The following POLE variants were observed in gnomAD, a reference collection of about 807,000 sequenced individuals.
POLE encodes DNA polymerase epsilon, catalytic subunit.
In POLE, 188 loss-of-function variants were observed where a neutral mutation model predicts 279.2. The ratio of observed to expected loss-of-function variants is 0.67; its 90% CI spans 0.60 to 0.76. POLE has a LOEUF of 0.76. POLE is among the 30% of genes least tolerant of loss of function. POLE has a pLI of 0.00. For missense variants in POLE, 2,703 were observed against 3,016.7 expected, an observed-to-expected ratio of 0.90 and a Z score of 2.44; for synonymous variants, 1,214 against 1,172.5, an observed-to-expected ratio of 1.04 and a Z score of -0.72.
chr12:132,630,338 T>G (rs763785788), intron 45 of POLE, among the ~76,000 whole-genome samples: 2 of 152,180 alleles, frequency 1.3e-5, no homozygotes, highest in Non-Finnish European at 2.9e-5. Context: ...AGATATCCCA[T>G]GCAGAAATAT....
chr12:132,665,186 C>T, intron 21 of POLE, 116 bp downstream of exon 21: 1 of 1,127,716 alleles, frequency 8.9e-7, no homozygotes, highest in Non-Finnish European at 1.3e-6. Flanking sequence ...CTCCCTCCAA[C>T]ATTCCTTGAA....
In POLE at chr12:132,675,450, CCTT is replaced by C. The variant is rs753999122; in HGVS notation, c.1171_1173del (p.Lys391del). ...GGCGCCTTGTACTCCCCCTGGCTGTCCTTCTGGAAGCCTATCTCCTGCTGCATG... is the reference window on the plus strand; with the variant it reads ...GGCGCCTTGTACTCCCCCTGGCTGTCCTGGAAGCCTATCTCCTGCTGCATG... On this transcript the variant is annotated inframe_deletion, in exon 12 of 49. Transcript: ENST00000320574. The surrounding 1 kb of genome is among the most constrained non-coding windows in gnomAD (Gnocchi z 4.3). 105 of 1,614,084 alleles carry C rather than the reference CCTT, an allele frequency of 6.5e-5. No homozygotes were observed. The highest frequency in any genetic ancestry group is 8.7e-5 in the Non-Finnish European group (103 of 1,180,036).
chr12:132,649,503 C>T lies in POLE; in HGVS notation c.3808G>A (p.Val1270Ile), dbSNP rs199574832. Residue 1270 changes from valine to isoleucine, a missense_variant, in exon 31 of 49, where the codon GTC becomes ATC. By Grantham distance (29) the Val-to-Ile change is conservative. Around this residue, in one of 5 missense-constraint regions of POLE, gnomAD observed 1,551 missense variants for 1,686.1 expected, o/e 0.92. Coordinates refer to ENST00000320574, the MANE Select transcript of POLE (RefSeq NM_006231.4). ...TTCTTCTTGTGGAACCGGAGCCAGA[C>T]AAGCCATTCCTCCTGGGATGGATGG... ...ALGTSQEEWL[V>I]WLRFHKKKWQ... 7.5e-6 allele frequency: 12 copies of T among 1,606,680 alleles called. No homozygotes were observed. Among genetic ancestry groups the T allele is most frequent in the Non-Finnish European group, 8.5e-6 (10 of 1,178,622 alleles).
At position 132,661,580 on chromosome 12, in the gene POLE, G is replaced by C. The variant is rs1593777350; in HGVS notation, c.2811C>G (p.Tyr937Ter). 1.9e-6 allele frequency: 3 copies of C among 1,614,182 alleles called. No homozygotes were observed. The highest frequency in any genetic ancestry group is 2.5e-6 in the Non-Finnish European group (3 of 1,180,028). ...NSIFFEVDGP[Y>*]LAMILPASKE... ...TGGAGGCTGGAAGAATCATGGCAAG[G>C]TAGGGCCCATCAACCTCAAAAAAGA... The change falls in exon 24 of 49, where the codon TAC becomes TAG. Residue 937 changes from tyrosine (Y) to a stop codon, truncating the protein, a stop_gained. Transcript: ENST00000320574. LOFTEE classifies it high-confidence loss of function. The surrounding 1 kb of genome is among the most constrained non-coding windows in gnomAD (Gnocchi z 4.1).
At chr12:132,683,002 C>T (rs2043200494) in intron 1 of POLE, among the ~76,000 whole-genome samples, 1 of 151,652 alleles carries the variant, frequency 6.6e-6, no homozygotes, top group Admixed American at 6.6e-5. Flanking sequence ...AAAGGAAGAC[C>T]CTTCCTTTGT....
chr12:132,636,018 A>G lies in POLE; in HGVS notation c.5685T>C (p.His1895=), dbSNP rs745896415. 3.1e-6 allele frequency: 5 copies of G among 1,613,340 alleles called. No individual in the cohort carries two copies. The highest frequency in any genetic ancestry group is 4.2e-6 in the Non-Finnish European group (5 of 1,179,704). The change falls in exon 42 of 49, where the codon CAT becomes CAC. Residue 1895 remains histidine (H), a synonymous_variant. Coordinates refer to ENST00000320574, the MANE Select transcript of POLE (RefSeq NM_006231.4). The part of the protein sequence containing the change: ...AYVEYITSSI[H]SKETFHSLTI... ...TCAGAGAATGGAAGGTCTCCTTTGAATGGATGCTGCAGAGGAAGCATTGAA... is the reference window on the plus strand; with the variant it reads ...TCAGAGAATGGAAGGTCTCCTTTGAGTGGATGCTGCAGAGGAAGCATTGAA...
rs373875413 is a variant in POLE at position 132,668,611 on chromosome 12, C to A, written c.2026+24G>T. 1.9e-6 allele frequency: 3 copies of A among 1,598,498 alleles called. No homozygotes were observed. In the African/African-American group the frequency reaches 4.0e-5, roughly 21 times the overall value. On this transcript the variant is annotated intron_variant, in intron 18 of 48. Coordinates refer to ENST00000320574, the MANE Select transcript of POLE (RefSeq NM_006231.4). The surrounding 1 kb of genome is among the most constrained non-coding windows in gnomAD (Gnocchi z 4.0). ...TCACCCACCCGTTTCCCACCGAGTG[C>A]CCACCCAGGCGGCCGACACTCACTG...
chr12:132,637,926 C>A, intron 41 of POLE, 88 bp downstream of exon 41: 1 of 1,485,768 alleles, frequency 6.7e-7, no homozygotes, highest in Non-Finnish European at 9.2e-7. Context: ...TCCCAGCCCA[C>A]CCAGGAGGAG....
At chr12:132,656,286 G>A (rs546754645) in intron 29 of POLE, among the ~76,000 whole-genome samples, 3 of 152,124 alleles carry the variant, frequency 2.0e-5, no homozygotes, top group Non-Finnish European at 4.4e-5. Flanking sequence ...GTCTTGGGGG[G>A]CAGGGGAAAG....
chr12:132,674,153 A>G (rs1196599846), intron 12 of POLE, among the ~76,000 whole-genome samples: 1 of 151,494 alleles, frequency 6.6e-6, no homozygotes, highest in East Asian at 2.0e-4. Flanking sequence ...AGATGCCAAG[A>G]AGAATAAAAA....
At chr12:132,655,599 G>A (rs73483346) in intron 29 of POLE, among the ~76,000 whole-genome samples, 10,849 of 152,162 alleles carry the variant, frequency 0.071, 552 homozygotes, top group Admixed American at 0.14. Flanking sequence ...CTGATTGGAG[G>A]TAAATTCTTC....
At position 132,668,760 on chromosome 12, in the gene POLE, T is replaced by C. The variant is rs201098665; in HGVS notation, c.1924-23A>G. ...GGGCTGGGAGGGGTGAGAAAGCACT[T>C]AGGGCTGGGCAGAGAGAGCTCCGAC... On this transcript the variant is annotated intron_variant, in intron 17 of 48. Transcript: ENST00000320574. This position sits in a 1 kb window ranked among gnomAD's most constrained non-coding sequence, Gnocchi z 4.0. 1.2e-3 allele frequency: 1,915 copies of C among 1,613,762 alleles called. 1 individual carries two copies. Among genetic ancestry groups the C allele is most frequent in the Admixed American group, 2.0e-3 (121 of 60,014 alleles).
intron 32 of POLE, among the ~76,000 whole-genome samples, chr12:132,646,549 G>A (rs1039546076): frequency 6.6e-6 from 1 of 151,608 alleles, no homozygotes; most frequent in Non-Finnish European, 1.5e-5. Flanking sequence ...AAAAAATTCT[G>A]GGGCCGGGCG....
Position 132,675,289 on chromosome 12 carries a change from C to T in POLE, c.1226+109G>A, listed in dbSNP as rs533038989. 60 of 1,422,554 alleles carry T rather than the reference C, an allele frequency of 4.2e-5. No individual in the cohort carries two copies. In the Middle Eastern group the frequency reaches 1.1e-3, roughly 26 times the overall value. The allele number at this position is 1,422,554 out of a possible 1,614,324, so 88.1% of individuals were successfully genotyped here. On this transcript the variant is annotated intron_variant, in intron 12 of 48. Coordinates refer to ENST00000320574, the MANE Select transcript of POLE (RefSeq NM_006231.4). The surrounding 1 kb of genome is among the most constrained non-coding windows in gnomAD (Gnocchi z 4.3). The stretch of plus-strand genomic sequence containing the variant: ...TCTTGGGTGACCTGAAACGGCCTCT[C>T]GGAGGCCACCCTCCTCCCATGAGAT...
rs2135969188 is a variant in POLE, at chr12:132,667,509, G to A, written c.2313C>T (p.Leu771=). ...GCAGCCCCTCAGAGCTCACCTTGTG[G>A]AGCCCTTTGAACTCGTAACGCCTGT... ...FRDRRYEFKG[L]HKVWKKKLSA... The change falls in exon 20 of 49, where the codon CTC becomes CTT. Residue 771 remains leucine (L), a synonymous_variant. Transcript: ENST00000320574. 1 of 1,614,104 alleles carries A rather than the reference G, an allele frequency of 6.2e-7. No homozygotes were observed. Among genetic ancestry groups the A allele is most frequent in the Middle Eastern group, 1.7e-4 (1 of 6,054 alleles).
At chr12:132,686,038 G>A (rs992437009) in intron 1 of POLE, among the ~76,000 whole-genome samples, 1 of 151,946 alleles carries the variant, frequency 6.6e-6, no homozygotes, top group African/African-American at 2.4e-5. Context: ...ACCACGCCCC[G>A]CTAATTTTGT....
intron 32 of POLE, among the ~76,000 whole-genome samples, chr12:132,646,275 G>C (rs7958381): frequency 0.52 from 78,992 of 151,954 alleles, 21,478 homozygotes; most frequent in East Asian, 0.7. Context: ...AGGTTGCACA[G>C]GGGGACAAGA....
At chr12:132,625,150 C>T (rs531523807) in intron 47 of POLE, 156 bp from the exon 48 acceptor site, 3 of 680,578 alleles carry the variant, frequency 4.4e-6, no homozygotes, top group African/African-American at 1.8e-5. Flanking sequence ...GTAAAATGCA[C>T]GACCTCATCC....
In POLE at chr12:132,664,027, C is replaced by A. The variant is rs201115064; in HGVS notation, c.2683G>T (p.Ala895Ser). 3 of 1,614,122 alleles carry A rather than the reference C, an allele frequency of 1.9e-6. No homozygotes were observed. The highest frequency in any genetic ancestry group is 1.3e-5 in the African/African-American group (1 of 75,054). ...ACCTTGACCATGATGTTCAACATGG[C>A]GCCTGGGTAGGAGATGGTCACTTTG... ...KPKVTISYPG[A>S]MLNIMVKEGF... The change falls in exon 23 of 49, where the codon GCC becomes TCC. Residue 895 changes from alanine to serine, a missense_variant. Ala to Ser is a moderately conservative substitution (Grantham distance 99). Transcript: ENST00000320574. This position sits in a 1 kb window ranked among gnomAD's most constrained non-coding sequence, Gnocchi z 5.3.
Sources: allele counts gnomAD v4.1 joint callset (sites outside exome capture counted in the v4.1 genomes callset), GRCh38; gene constraint gnomAD v4.1.1; regional missense constraint gnomAD v4.1.1; non-coding constraint Gnocchi (gnomAD v3.1); transcripts MANE v1.5; gene names NCBI Gene and HGNC (gene_info 2026-07-23, HGNC 2026-07-21).